Variants in KATNAL2 observed in about 807,000 individuals in gnomAD.
KATNAL2 encodes katanin p60 ATPase-containing subunit A-like 2.
Under a neutral mutation model 76.3 loss-of-function variants are expected in KATNAL2, and 52 were observed. That is an observed-to-expected ratio of 0.68 (90% CI 0.55 to 0.86). The LOEUF is 0.86. Ranked by LOEUF, KATNAL2 falls within the 40% of genes least tolerant of loss-of-function variation. KATNAL2 has a pLI of 0.00. For missense variants in KATNAL2, 660 were observed against 668.9 expected (o/e 0.99, Z 0.15); for synonymous variants, 243 against 244.2 (o/e 1.00, Z 0.05).
chr18:47,040,722 C>T (rs947520036), intron 3 of KATNAL2, among the ~76,000 whole-genome samples: 2 of 152,064 alleles, frequency 1.3e-5, no homozygotes, highest in African/African-American at 4.8e-5. Context: ...TCACTTCAGC[C>T]CGGGTGTTCA....
chr18:47,034,429 A>G (rs1239353698), intron 3 of KATNAL2: 1 of 1,614,036 alleles, frequency 6.2e-7, no homozygotes. Flanking sequence ...GTCTGTCTTG[A>G]AGTCCGAAGG....
intron 8 of KATNAL2, among the ~76,000 whole-genome samples, chr18:47,062,382 GAA>G (rs779449087): frequency 1.5e-5 from 2 of 136,630 alleles, no homozygotes; most frequent in African/African-American, 2.7e-5. Context: ...TCTCTTAAAG[GAA>G]AAAAAAAAAA....
chr18:47,031,444 G>C (rs1431565237), intron 3 of KATNAL2, among the ~76,000 whole-genome samples: 1 of 152,046 alleles, frequency 6.6e-6, no homozygotes, highest in African/African-American at 2.4e-5. Flanking sequence ...TGTTGTGGTG[G>C]GGGCGGGGTG....
rs1413712238 is a variant in KATNAL2, at chr18:46,924,299, G to A, written c.-510+6373G>A. ...AGTTTCAGCTTTCTGCATATGGCTAGCCAGTTTTCCCAGCACCATTTATTA... is the reference window on the plus strand; with the variant it reads ...AGTTTCAGCTTTCTGCATATGGCTAACCAGTTTTCCCAGCACCATTTATTA... On this transcript the variant is annotated intron_variant, in intron 1 of 17. Coordinates refer to ENST00000683218, the MANE Select transcript of KATNAL2 (RefSeq NM_001387690.1). Among the ~76,000 whole-genome samples the A allele has an allele frequency of 3.3e-5, 5 of 152,210 alleles. No homozygotes were observed. The East Asian group carries it at 9.6e-4, about 29-fold the overall frequency.
At chr18:47,039,712 A>T (rs560783868) in intron 3 of KATNAL2, among the ~76,000 whole-genome samples, 1 of 152,352 alleles carries the variant, frequency 6.6e-6, no homozygotes, top group South Asian at 2.1e-4. Context: ...ACATTTGCAC[A>T]AGTACATGTT....
At chr18:47,096,211 A>G (rs2063227673) in intron 15 of KATNAL2, among the ~76,000 whole-genome samples, 1 of 152,200 alleles carries the variant, frequency 6.6e-6, no homozygotes. Flanking sequence ...TTTCAGTTTA[A>G]AAAGAAATAT....
intron 15 of KATNAL2, among the ~76,000 whole-genome samples, chr18:47,092,320 G>A (rs2063036156): frequency 1.3e-5 from 2 of 152,024 alleles, no homozygotes; most frequent in East Asian, 1.9e-4. Flanking sequence ...CCAACATGGC[G>A]AAATCCCGTT....
At chr18:46,954,242 C>T (rs1490685222) in intron 3 of KATNAL2, among the ~76,000 whole-genome samples, 1 of 151,612 alleles carries the variant, frequency 6.6e-6, no homozygotes, top group East Asian at 1.9e-4. Context: ...CCTGATGACT[C>T]CAGAGGAACC....
rs9951823 is a variant in KATNAL2 at position 47,035,574 on chromosome 18, T to C, written c.52-10883T>C. The C allele has an allele frequency of 5.1e-3, 2,916 of 575,086 alleles. 75 individuals carry two copies. The highest frequency in any genetic ancestry group is 0.049 in the African/African-American group (2,601 of 53,174). 35.6% of individuals were successfully genotyped at this position (575,086 alleles called of 1,614,324 possible). ...GCTCTGGTGCCAGAGCTGGGCCTTA[T>C]GTAGCCCATCCCAGGCTGACACTCA... On this transcript the variant is annotated intron_variant, in intron 3 of 17. Coordinates refer to ENST00000683218, the MANE Select transcript of KATNAL2 (RefSeq NM_001387690.1).
intron 13 of KATNAL2, among the ~76,000 whole-genome samples, chr18:47,071,528 A>G (rs1319495730): frequency 6.6e-6 from 1 of 151,956 alleles, no homozygotes; most frequent in Admixed American, 6.6e-5. Context: ...TATCATTTCT[A>G]TATGCTGAAT....
At chr18:47,034,275 G>A (rs775710661) in intron 3 of KATNAL2, 78 of 1,613,764 alleles carry the variant, frequency 4.8e-5, no homozygotes, top group Non-Finnish European at 6.5e-5. Flanking sequence ...GCGACAGGCC[G>A]TGTGTCCCAT....
chr18:46,926,696 C>A (rs1425315210), intron 1 of KATNAL2, among the ~76,000 whole-genome samples: 1 of 152,038 alleles, frequency 6.6e-6, no homozygotes, highest in Non-Finnish European at 1.5e-5. Context: ...GTGAAAGTCT[C>A]CCATTATTAT....
intron 10 of KATNAL2, among the ~76,000 whole-genome samples, chr18:47,063,809 A>G (rs1015284343): frequency 3.9e-5 from 6 of 152,218 alleles, no homozygotes; most frequent in African/African-American, 1.4e-4. Context: ...TACCATCCAG[A>G]CTACGGACTT....
At chr18:46,918,672 T>C (rs1165634879) in intron 1 of KATNAL2, among the ~76,000 whole-genome samples, 1 of 152,178 alleles carries the variant, frequency 6.6e-6, no homozygotes, top group Non-Finnish European at 1.5e-5. Context: ...TCCGCCCGCC[T>C]CGGCCTCCCA....
At chr18:47,052,747 A>G (rs992646142) in intron 4 of KATNAL2, 133 bp from the exon 5 acceptor site, 13 of 590,276 alleles carry the variant, frequency 2.2e-5, no homozygotes, top group African/African-American at 1.3e-4. Context: ...TCCTATGCAC[A>G]TACTAGTTTT....
rs750307036 is a variant in KATNAL2 at position 47,034,503 on chromosome 18, G to A, written c.52-11954G>A. 1.4e-5 allele frequency: 22 copies of A among 1,614,052 alleles called. No homozygotes were observed. The African/African-American group carries it at 2.5e-4, about 19-fold the overall frequency. ...GGGTTTCCTCTCTTAAGCAGGCCCC[G>A]CATGATTTCTCCCTGATCAAAGTAG... On this transcript the variant is annotated intron_variant, in intron 3 of 17. Transcript: ENST00000683218.
intron 15 of KATNAL2, among the ~76,000 whole-genome samples, chr18:47,091,998 T>C (rs1385911665): frequency 6.6e-6 from 1 of 152,144 alleles, no homozygotes; most frequent in Non-Finnish European, 1.5e-5. Flanking sequence ...TATCAGCTTA[T>C]TTTTTCTTTG....
Position 47,100,719 on chromosome 18 carries a change from A to G in KATNAL2, c.1478-147A>G. 3.9e-6 allele frequency: 4 copies of G among 1,021,408 alleles called. No homozygotes were observed. In the South Asian group the frequency reaches 5.0e-5, roughly 13 times the overall value. 63.3% of individuals were successfully genotyped at this position (1,021,408 alleles called of 1,614,324 possible). A position where few individuals can be genotyped will look rare whatever the true frequency, so the allele number is the denominator to read the frequency against. On this transcript the variant is annotated intron_variant, in intron 17 of 17. Coordinates refer to ENST00000683218, the MANE Select transcript of KATNAL2 (RefSeq NM_001387690.1). ...GTTGCACGTTAAAGAATTTTTCCCCAGCCCTCTTTAGTCTTGCCTTTTGCT... is the reference window on the plus strand; with the variant it reads ...GTTGCACGTTAAAGAATTTTTCCCCGGCCCTCTTTAGTCTTGCCTTTTGCT...
At position 46,930,544 on chromosome 18, in the gene KATNAL2, G is replaced by A. The variant is rs917359648; in HGVS notation, c.-510+12618G>A. Among the ~76,000 whole-genome samples the A allele has an allele frequency of 2.8e-4, 43 of 152,116 alleles. 1 individual carries two copies. Among genetic ancestry groups the A allele is most frequent in the African/African-American group, 4.1e-4 (17 of 41,432 alleles). On this transcript the variant is annotated intron_variant, in intron 1 of 17. Transcript: ENST00000683218. Reference sequence around the variant, plus strand: ...GAAAAAAGAAAAGCAGGCCGGGTGCGACGGCTCACACCTATAATCCCAGCA... The same window carrying A: ...GAAAAAAGAAAAGCAGGCCGGGTGCAACGGCTCACACCTATAATCCCAGCA...
Sources: allele counts gnomAD v4.1 joint callset (sites outside exome capture counted in the v4.1 genomes callset), GRCh38; gene constraint gnomAD v4.1.1; transcripts MANE v1.5; gene names NCBI Gene and HGNC (gene_info 2026-07-23, HGNC 2026-07-21).